CYP2C19: variants seen among roughly 807,000 people sequenced by gnomAD.
CYP2C19 encodes the protein cytochrome P450 family 2 subfamily C member 19.
Under a neutral mutation model 40.9 loss-of-function variants are expected in CYP2C19, and 59 were observed. That is an observed-to-expected ratio of 1.44 (90% CI 1.17 to 1.79). CYP2C19 has a LOEUF of 1.79. Among genes scored for constraint, CYP2C19 ranks in the 40% most tolerant of loss-of-function variants. The probability of loss-of-function intolerance (pLI) is 0.00; values close to 1 mark genes in which losing one functional copy is unlikely to be tolerated. For synonymous variants in CYP2C19, 253 were observed against 208.7 expected, an observed-to-expected ratio of 1.21 and a Z score of -1.83; for missense variants, 754 against 596.9, an observed-to-expected ratio of 1.26 and a Z score of -2.74.
intron 6 of CYP2C19, among the ~76,000 whole-genome samples, chr10:94,832,435 G>A (rs1330706042): frequency 4.6e-5 from 7 of 152,122 alleles, no homozygotes; most frequent in Admixed American, 4.6e-4. Flanking sequence ...ACAGTATGGG[G>A]GAAACCACCC....
In CYP2C19 at chr10:94,774,458, G is replaced by A. The variant is rs536011387; in HGVS notation, c.169-600G>A. 3 of 154,912 alleles carry A rather than the reference G, an allele frequency of 1.9e-5. No homozygotes were observed. The East Asian group carries it at 5.8e-4, about 30-fold the overall frequency. 9.6% of individuals were successfully genotyped at this position (154,912 alleles called of 1,614,324 possible). A position where few individuals can be genotyped will look rare whatever the true frequency, so the allele number is the denominator to read the frequency against. On this transcript the variant is annotated intron_variant, in intron 1 of 8. Coordinates refer to ENST00000371321, the MANE Select transcript of CYP2C19 (RefSeq NM_000769.4). ...TTAGGGTGATTCTTATAATCCCATA[G>A]CCACCTAATTTTAGGAGTACTGCTG...
intron 3 of CYP2C19, among the ~76,000 whole-genome samples, chr10:94,779,569 T>TTCTTTTCTTTTC (rs1375374487): frequency 6.9e-6 from 1 of 145,044 alleles, no homozygotes; most frequent in East Asian, 2.0e-4. Context: ...TTCTTTTCTT[T>TTCTTTTCTTTTC]TTTTTTTTTT....
At chr10:94,817,780 G>A (rs1036198930) in intron 5 of CYP2C19, among the ~76,000 whole-genome samples, 12 of 152,120 alleles carry the variant, frequency 7.9e-5, no homozygotes, top group South Asian at 2.1e-4. Flanking sequence ...TTGGGAGGCC[G>A]AGGCGGGCGG....
At chr10:94,838,814 T>C (rs1164820688) in intron 6 of CYP2C19, among the ~76,000 whole-genome samples, 1 of 150,412 alleles carries the variant, frequency 6.6e-6, no homozygotes, top group Admixed American at 6.6e-5. Context: ...CATTTGCCTT[T>C]TTCCTACAAA....
intron 5 of CYP2C19, among the ~76,000 whole-genome samples, chr10:94,784,359 T>G (rs1246479829): frequency 6.6e-6 from 1 of 152,112 alleles, no homozygotes; most frequent in African/African-American, 2.4e-5. Flanking sequence ...CTTTAACCAT[T>G]TGTGTATGTT....
intron 6 of CYP2C19, among the ~76,000 whole-genome samples, chr10:94,826,668 T>G (rs1849228880): frequency 6.6e-6 from 1 of 152,186 alleles, no homozygotes. Context: ...CCTGCCTAAT[T>G]GCCCTGGCCA....
chr10:94,847,337 T>C (rs916114684), intron 7 of CYP2C19, among the ~76,000 whole-genome samples: 6 of 152,130 alleles, frequency 3.9e-5, no homozygotes, highest in Non-Finnish European at 5.9e-5. Flanking sequence ...GTTTGGTTTT[T>C]TGTCCTTGTG....
At chr10:94,775,820 G>T (rs1848400550) in intron 3 of CYP2C19, 1 of 505,572 alleles carries the variant, frequency 2.0e-6, no homozygotes, top group Non-Finnish European at 3.5e-6. Flanking sequence ...GATGAATATA[G>T]ATTTTGAGTT....
intron 5 of CYP2C19, among the ~76,000 whole-genome samples, chr10:94,809,000 G>A (rs1183902718): frequency 3.3e-5 from 5 of 152,074 alleles, no homozygotes; most frequent in African/African-American, 1.2e-4. Context: ...GTTTTATGAG[G>A]AACCTCCAAA....
intron 5 of CYP2C19, among the ~76,000 whole-genome samples, chr10:94,809,115 A>T (rs1269301787): frequency 6.6e-6 from 1 of 152,154 alleles, no homozygotes; most frequent in African/African-American, 2.4e-5. Context: ...CATCTCTTGG[A>T]TATAAGCCAC....
At position 94,841,051 on chromosome 10, in the gene CYP2C19, G is replaced by T. The variant is rs112724104; in HGVS notation, c.962-1786G>T. 2.5e-3 allele frequency among the ~76,000 whole-genome samples: 383 copies of T among 152,094 alleles called. 2 individuals carry two copies. The highest frequency in any genetic ancestry group is 8.1e-3 in the African/African-American group (334 of 41,380). On this transcript the variant is annotated intron_variant, in intron 6 of 8. Transcript: ENST00000371321. ...CTCACAGAGCTCCCAAGATGGTGGT[G>T]ATCCACTTCCAAGATGGTGGTGGGC...
chr10:94,800,786 G>A (rs1848753071), intron 5 of CYP2C19, among the ~76,000 whole-genome samples: 1 of 152,296 alleles, frequency 6.6e-6, no homozygotes, highest in Non-Finnish European at 1.5e-5. Context: ...TGCTGTGCTA[G>A]CAGTGAACAA....
At chr10:94,790,643 A>G (rs1351587668) in intron 5 of CYP2C19, among the ~76,000 whole-genome samples, 1 of 152,130 alleles carries the variant, frequency 6.6e-6, no homozygotes, top group East Asian at 1.9e-4. Flanking sequence ...ATGATGGATT[A>G]CGTTTATTGA....
chr10:94,772,409 CAG>C (rs1184363259), intron 1 of CYP2C19, among the ~76,000 whole-genome samples: 1 of 152,030 alleles, frequency 6.6e-6, no homozygotes, highest in African/African-American at 2.4e-5. Flanking sequence ...AGAAAAGCAC[CAG>C]AGACAGGCAG....
At chr10:94,767,416 A>G (rs1300486973) in intron 1 of CYP2C19, among the ~76,000 whole-genome samples, 1 of 152,204 alleles carries the variant, frequency 6.6e-6, no homozygotes, top group African/African-American at 2.4e-5. Flanking sequence ...TAGGACTTTA[A>G]TCACTTTCTC....
intron 6 of CYP2C19, among the ~76,000 whole-genome samples, chr10:94,830,234 G>A (rs572787959): frequency 1.3e-5 from 2 of 152,370 alleles, no homozygotes; most frequent in South Asian, 4.1e-4. Context: ...ATGGGCAATG[G>A]CGGGCGCCCC....
At chr10:94,839,981 C>CT (rs1018144193) in intron 6 of CYP2C19, among the ~76,000 whole-genome samples, 250 of 151,800 alleles carry the variant, frequency 1.6e-3, no homozygotes, top group African/African-American at 5.5e-3. Flanking sequence ...TACCTTTTTG[C>CT]TTTTTTTTAT....
chr10:94,792,096 T>G (rs1317809966), intron 5 of CYP2C19, among the ~76,000 whole-genome samples: 1 of 152,158 alleles, frequency 6.6e-6, no homozygotes, highest in Non-Finnish European at 1.5e-5. Context: ...CTTGTTGAAT[T>G]GATCCCTTTA....
intron 5 of CYP2C19, among the ~76,000 whole-genome samples, chr10:94,811,020 A>G (rs1422756573): frequency 1.3e-5 from 2 of 152,166 alleles, no homozygotes; most frequent in African/African-American, 4.8e-5. Context: ...CTGGACATTT[A>G]GTGCTATAAT....
Sources: allele counts gnomAD v4.1 joint callset (sites outside exome capture counted in the v4.1 genomes callset), GRCh38; gene constraint gnomAD v4.1.1; transcripts MANE v1.5; gene names NCBI Gene and HGNC (gene_info 2026-07-23, HGNC 2026-07-21).